The following DOCK9 variants were observed in gnomAD, a reference collection of about 807,000 sequenced individuals.
DOCK9 encodes the protein dedicator of cytokinesis protein 9.
In DOCK9, 89 loss-of-function variants were observed where a neutral mutation model predicts 263.3. That is an observed-to-expected ratio of 0.34 (90% confidence interval 0.28 to 0.40). The LOEUF is 0.40. Ranked by LOEUF, DOCK9 falls within the 10% of genes least tolerant of loss-of-function variation. The pLI is 1.00. For missense variants in DOCK9, 2,140 were observed against 2,603.4 expected, an observed-to-expected ratio of 0.82 and a Z score of 3.87; for synonymous variants, 976 against 973.1, an observed-to-expected ratio of 1.00 and a Z score of -0.06.
intron 1 of DOCK9, among the ~76,000 whole-genome samples, chr13:99,028,820 C>T (rs1355203924): frequency 6.6e-6 from 1 of 152,128 alleles, no homozygotes; most frequent in Non-Finnish European, 1.5e-5. Flanking sequence ...TGTTTATATT[C>T]TGTTAGACGA....
chr13:98,912,735 G>C (rs79134199), intron 9 of DOCK9, among the ~76,000 whole-genome samples: 2,797 of 152,184 alleles, frequency 0.018, 44 homozygotes, highest in South Asian at 0.055. Flanking sequence ...AAAAAGCATA[G>C]ATTTTTAATT....
intron 5 of DOCK9, among the ~76,000 whole-genome samples, chr13:98,922,635 G>T (rs1176816616): frequency 6.6e-6 from 1 of 152,198 alleles, no homozygotes; most frequent in African/African-American, 2.4e-5. Context: ...AAAGTGATGG[G>T]GGGAATAAAA....
chr13:98,964,857 C>T (rs993673605), intron 1 of DOCK9, among the ~76,000 whole-genome samples: 2 of 152,318 alleles, frequency 1.3e-5, no homozygotes, highest in African/African-American at 2.4e-5. Flanking sequence ...CCCAGATGGA[C>T]GTGCTTGAGG....
At chr13:98,897,466 G>T in intron 15 of DOCK9, 22 bp downstream of exon 15, 1 of 1,612,424 alleles carries the variant, frequency 6.2e-7, no homozygotes, top group Non-Finnish European at 8.5e-7. Context: ...TTCAGGTGTG[G>T]AAATAAGACC....
At chr13:99,086,203 C>T (rs906655915) in intron 1 of DOCK9, 3 of 1,483,738 alleles carry the variant, frequency 2.0e-6, no homozygotes, top group Admixed American at 2.2e-5. Flanking sequence ...TCCCCCGGCC[C>T]GCGGTCGTCC....
chr13:99,063,942 T>G (rs1005888059), intron 1 of DOCK9, among the ~76,000 whole-genome samples: 40 of 152,274 alleles, frequency 2.6e-4, no homozygotes, highest in African/African-American at 9.1e-4. Flanking sequence ...CCTTCCAACA[T>G]GAAATGGAGG....
intron 34 of DOCK9, among the ~76,000 whole-genome samples, chr13:98,853,755 A>G (rs1374605257): frequency 6.6e-6 from 1 of 152,148 alleles, no homozygotes; most frequent in Non-Finnish European, 1.5e-5. Flanking sequence ...CCTGAGGGAC[A>G]AGCAGAAGGC....
chr13:98,909,376 C>T (rs2049641752), intron 9 of DOCK9, among the ~76,000 whole-genome samples: 1 of 152,130 alleles, frequency 6.6e-6, no homozygotes, highest in Non-Finnish European at 1.5e-5. Context: ...TTTAGGCATA[C>T]TCTGTGTCTT....
At chr13:98,903,368 C>T (rs193179270) in intron 10 of DOCK9, among the ~76,000 whole-genome samples, 3 of 151,918 alleles carry the variant, frequency 2.0e-5, no homozygotes, top group Non-Finnish European at 4.4e-5. Flanking sequence ...CCGAGGCTGG[C>T]GGCTCACCAG....
chr13:98,981,061 GTT>G (rs1038373466), upstream of DOCK9, among the ~76,000 whole-genome samples: 2 of 142,082 alleles, frequency 1.4e-5, no homozygotes, highest in Non-Finnish European at 1.5e-5. Flanking sequence ...TTTGTTTTTT[GTT>G]TTTTTTTTTT....
At chr13:99,035,396 T>C (rs1887768475) in intron 1 of DOCK9, among the ~76,000 whole-genome samples, 1 of 152,208 alleles carries the variant, frequency 6.6e-6, no homozygotes, top group South Asian at 2.1e-4. Context: ...AAAAACTACA[T>C]TTCTCAGTCT....
At chr13:99,049,276 A>C (rs1203936057) in intron 1 of DOCK9, among the ~76,000 whole-genome samples, 1 of 152,170 alleles carries the variant, frequency 6.6e-6, no homozygotes, top group Non-Finnish European at 1.5e-5. Context: ...CAACCTCAGA[A>C]TATCTGGCCA....
intron 45 of DOCK9, among the ~76,000 whole-genome samples, chr13:98,814,657 C>T (rs2091643285): frequency 2.6e-5 from 4 of 152,076 alleles, no homozygotes; most frequent in African/African-American, 7.2e-5. Flanking sequence ...CCACCCATCT[C>T]GGCCTCCCTA....
intron 1 of DOCK9, among the ~76,000 whole-genome samples, chr13:99,008,234 A>ATTTTTTT (rs398024127): frequency 5.3e-4 from 50 of 94,050 alleles, no homozygotes; most frequent in South Asian, 1.2e-3. Context: ...ATATATATAT[A>ATTTTTTT]TTTTTTTTTT....
At chr13:98,902,884 G>A in intron 11 of DOCK9, 88 bp downstream of exon 11, 2 of 1,249,788 alleles carry the variant, frequency 1.6e-6, no homozygotes, top group South Asian at 3.4e-5. Context: ...CAGGGACTAG[G>A]ATTTCTTATC....
chr13:98,912,151 C>A (rs372341425), intron 9 of DOCK9, among the ~76,000 whole-genome samples: 1 of 152,096 alleles, frequency 6.6e-6, no homozygotes, highest in Non-Finnish European at 1.5e-5. Flanking sequence ...GGATTACAGG[C>A]ATGAGCCACT....
Position 98,863,362 on chromosome 13 carries a change from C to T in DOCK9, c.3465+8G>A, listed in dbSNP as rs756922113. The T allele has an allele frequency of 1.6e-5, 26 of 1,609,812 alleles. No homozygotes were observed. The highest frequency in any genetic ancestry group is 2.0e-5 in the Non-Finnish European group (23 of 1,177,496). ...CAATGCACATTCCTTCCATTGGGGA[C>T]CACTCACCCTTGAAGCATATCTGTC... On this transcript the variant is annotated splice_region_variant and intron_variant, in intron 31 of 52. Coordinates refer to ENST00000682017, the MANE Select transcript of DOCK9 (RefSeq NM_001366683.2).
chr13:98,995,689 C>T (rs1258015533), intron 1 of DOCK9, among the ~76,000 whole-genome samples: 3 of 151,912 alleles, frequency 2.0e-5, no homozygotes, highest in Admixed American at 6.6e-5. Context: ...GGGGTTTCAG[C>T]GTGTTAGCCA....
intron 2 of DOCK9, among the ~76,000 whole-genome samples, chr13:98,940,643 A>G (rs1273344021): frequency 6.6e-6 from 1 of 152,186 alleles, no homozygotes; most frequent in Admixed American, 6.5e-5. Context: ...CATAGATTCT[A>G]TAATCCATCT....
Sources: gnomAD v4.1 joint callset for allele counts (sites outside exome capture counted in the v4.1 genomes callset) on GRCh38, gnomAD v4.1.1 for gene constraint, MANE v1.5 for transcripts, NCBI Gene and HGNC (gene_info 2026-07-23, HGNC 2026-07-21) for gene names.